Variants in GRIA4 observed in about 807,000 individuals in gnomAD.
The protein encoded by GRIA4 is glutamate ionotropic receptor AMPA type subunit 4.
GRIA4 carries 34 observed loss-of-function variants against 104.0 expected under a neutral mutation model. That is an observed-to-expected ratio of 0.33 (90% confidence interval 0.25 to 0.44). The LOEUF (loss-of-function observed/expected upper bound fraction) is 0.44, where lower values mean the gene tolerates loss of function less well. Among genes scored for constraint, GRIA4 ranks in the 20% least tolerant of loss-of-function variants. The probability of loss-of-function intolerance (pLI) is 1.00; values close to 1 mark genes in which losing one functional copy is unlikely to be tolerated. For missense variants in GRIA4, 750 were observed against 1,096.5 expected (o/e 0.68, Z 4.46); for synonymous variants, 386 against 381.9 (o/e 1.01, Z -0.13).
intron 3 of GRIA4, among the ~76,000 whole-genome samples, chr11:105,705,835 G>A (rs907200348): frequency 6.6e-6 from 1 of 152,184 alleles, no homozygotes; most frequent in East Asian, 1.9e-4. Context: ...TTTTGGAGAG[G>A]AATTTAACAA....
intron 4 of GRIA4, among the ~76,000 whole-genome samples, chr11:105,807,793 T>A (rs1943011821): frequency 6.6e-6 from 1 of 151,882 alleles, no homozygotes. Flanking sequence ...GTTACTCATA[T>A]AATAACTCTC....
At chr11:105,976,384 T>C (rs949303523) in intron 16 of GRIA4, among the ~76,000 whole-genome samples, 2 of 152,038 alleles carry the variant, frequency 1.3e-5, no homozygotes, top group Non-Finnish European at 2.9e-5. Context: ...GTCATATATA[T>C]ACAATTTACA....
intron 4 of GRIA4, among the ~76,000 whole-genome samples, chr11:105,816,026 C>A (rs1005373514): frequency 6.6e-6 from 1 of 152,054 alleles, no homozygotes; most frequent in Non-Finnish European, 1.5e-5. Flanking sequence ...TCTGCATGCA[C>A]GTGAGATAGC....
chr11:105,965,677 C>CA (rs5794440), intron 14 of GRIA4, among the ~76,000 whole-genome samples: 98,266 of 151,632 alleles, frequency 0.65, 31,844 homozygotes, highest in Middle Eastern at 0.72. Flanking sequence ...ACTGTTTTGC[C>CA]AAAAAAAATC....
chr11:105,757,217 G>T (rs1458527743), intron 4 of GRIA4, among the ~76,000 whole-genome samples: 4 of 152,136 alleles, frequency 2.6e-5, no homozygotes, highest in Admixed American at 1.3e-4. Context: ...AGTGAACGTG[G>T]ATAAAGGCAC....
At chr11:105,965,568 G>C (rs891350328) in intron 14 of GRIA4, among the ~76,000 whole-genome samples, 1 of 19,434 alleles carries the variant, frequency 5.1e-5, no homozygotes, top group Non-Finnish European at 1.1e-4. Context: ...TTGTGGGAAT[G>C]AATTTTAATT....
At chr11:105,625,847 C>T (rs557052078) in intron 3 of GRIA4, among the ~76,000 whole-genome samples, 1 of 152,214 alleles carries the variant, frequency 6.6e-6, no homozygotes, top group African/African-American at 2.4e-5. Context: ...CTCCATAGAA[C>T]ATTTTTAAAA....
intron 4 of GRIA4, among the ~76,000 whole-genome samples, chr11:105,815,072 T>G (rs1458590510): frequency 6.6e-6 from 1 of 152,088 alleles, no homozygotes; most frequent in Non-Finnish European, 1.5e-5. Context: ...ATAAGTTGAG[T>G]CTAGGGCTAC....
rs201505365 is a variant in GRIA4 at position 105,645,711 on chromosome 11, A to T, written c.247+33277A>T. On this transcript the variant is annotated intron_variant, in intron 3 of 16. Coordinates refer to ENST00000282499, the MANE Select transcript of GRIA4 (RefSeq NM_000829.4). Reference sequence around the variant, plus strand: ...AAAGAAAAGGAGGATACAGTGGAAAAAAATAGCACACAATGTAGAGCTGCA... The same window carrying T: ...AAAGAAAAGGAGGATACAGTGGAAATAAATAGCACACAATGTAGAGCTGCA... Among the ~76,000 whole-genome samples, 32 of 152,350 alleles carry T rather than the reference A, an allele frequency of 2.1e-4. No individual in the cohort carries two copies. In the East Asian group the frequency reaches 6.2e-3, roughly 29 times the overall value.
At chr11:105,906,749 C>T (rs1263158362) in intron 9 of GRIA4, among the ~76,000 whole-genome samples, 1 of 152,096 alleles carries the variant, frequency 6.6e-6, no homozygotes, top group Non-Finnish European at 1.5e-5. Flanking sequence ...ACAGCAGGCT[C>T]TTCTAAGGAG....
At chr11:105,658,169 C>T (rs559507516) in intron 3 of GRIA4, among the ~76,000 whole-genome samples, 1 of 151,490 alleles carries the variant, frequency 6.6e-6, no homozygotes, top group Non-Finnish European at 1.5e-5. Flanking sequence ...TTTCCTCATT[C>T]CAATTATCAG....
At chr11:105,947,660 C>A (rs909633640) in intron 14 of GRIA4, among the ~76,000 whole-genome samples, 1 of 152,080 alleles carries the variant, frequency 6.6e-6, no homozygotes, top group African/African-American at 2.4e-5. Flanking sequence ...TAAAATAGTT[C>A]ATGAAAGTGT....
intron 5 of GRIA4, among the ~76,000 whole-genome samples, chr11:105,886,932 G>C (rs984133841): frequency 1.3e-5 from 2 of 150,590 alleles, no homozygotes; most frequent in African/African-American, 4.9e-5. Flanking sequence ...ATCCAACAGA[G>C]AGAAAAGCTT....
At chr11:105,647,611 C>T (rs1226532569) in intron 3 of GRIA4, among the ~76,000 whole-genome samples, 2 of 152,084 alleles carry the variant, frequency 1.3e-5, no homozygotes, top group Non-Finnish European at 2.9e-5. Context: ...AACTATACAG[C>T]CATAAGAAAG....
chr11:105,829,891 GA>G (rs1310236572), intron 4 of GRIA4, among the ~76,000 whole-genome samples: 2 of 151,870 alleles, frequency 1.3e-5, no homozygotes, highest in Non-Finnish European at 2.9e-5. Context: ...TGGAGAAAGA[GA>G]AAATGTGCAG....
intron 14 of GRIA4, among the ~76,000 whole-genome samples, chr11:105,957,937 C>T (rs1043043378): frequency 1.2e-4 from 19 of 152,204 alleles, no homozygotes; most frequent in African/African-American, 4.1e-4. Context: ...TATAGGAATG[C>T]TTGTGATTTT....
intron 14 of GRIA4, chr11:105,966,149 T>A (rs1324419993): frequency 2.3e-6 from 2 of 881,998 alleles, no homozygotes; most frequent in Non-Finnish European, 3.7e-6. Context: ...GACCTCCTAA[T>A]ACCAGTCGAA....
intron 16 of GRIA4, among the ~76,000 whole-genome samples, chr11:105,978,788 G>A (rs1219026773): frequency 6.6e-6 from 1 of 152,128 alleles, no homozygotes; most frequent in Non-Finnish European, 1.5e-5. Flanking sequence ...ACAGTAATGA[G>A]ACTAACATAA....
intron 4 of GRIA4, among the ~76,000 whole-genome samples, chr11:105,785,700 C>T (rs1000412542): frequency 4.6e-5 from 7 of 152,236 alleles, no homozygotes; most frequent in African/African-American, 1.7e-4. Context: ...GGATAGACGA[C>T]ATTTCTAAAC....
Sources: allele counts gnomAD v4.1 joint callset (sites outside exome capture counted in the v4.1 genomes callset), GRCh38; gene constraint gnomAD v4.1.1; transcripts MANE v1.5; gene names NCBI Gene and HGNC (gene_info 2026-07-23, HGNC 2026-07-21).